BANK1: variants seen among roughly 807,000 people sequenced by gnomAD.
BANK1 encodes the protein B-cell scaffold protein with ankyrin repeats.
BANK1 carries 95 observed loss-of-function variants against 94.5 expected under a neutral mutation model. That is an observed-to-expected ratio of 1.00 (90% CI 0.85 to 1.19). The LOEUF is 1.19. Ranked by LOEUF, BANK1 falls within the 50% of genes most tolerant of loss-of-function variation. BANK1 has a pLI of 0.00. For missense variants in BANK1, 987 were observed against 932.2 expected (o/e 1.06, Z -0.77); for synonymous variants, 334 against 308.4 (o/e 1.08, Z -0.87).
chr4:101,823,060 G>A (rs1726233868), intron 1 of BANK1, among the ~76,000 whole-genome samples: 1 of 152,026 alleles, frequency 6.6e-6, no homozygotes, highest in Non-Finnish European at 1.5e-5. Flanking sequence ...ATTTTGCAGT[G>A]CAGAAGCTGT....
chr4:101,934,738 G>A (rs1383582002), intron 7 of BANK1, among the ~76,000 whole-genome samples: 3 of 151,408 alleles, frequency 2.0e-5, no homozygotes, highest in Admixed American at 2.0e-4. Context: ...AATTCCCTAG[G>A]GAGCACTGTA....
chr4:102,030,062 A>G lies in BANK1; in HGVS notation c.1697A>G (p.Glu566Gly), dbSNP rs1157386234. ...DEPKGEKEKK[E>G]EEKEQEEEED... ...CCCAAAGGAGAAAAAGAGAAGAAAG[A>G]AGAGGAAAAAGAGCAGGAGGAGGAA... Residue 566 changes from glutamate (E) to glycine (G), a missense_variant, in exon 10 of 17, where the codon GAA (glutamate) becomes GGA (glycine). By Grantham distance (98) the Glu-to-Gly change is moderately conservative. Coordinates refer to ENST00000322953, the MANE Select transcript of BANK1 (RefSeq NM_017935.5). The G allele has an allele frequency of 1.9e-6, 3 of 1,613,742 alleles. No individual in the cohort carries two copies. Among genetic ancestry groups the G allele is most frequent in the Non-Finnish European group, 2.5e-6 (3 of 1,179,844 alleles).
chr4:101,983,022 T>A (rs944280656), intron 7 of BANK1, among the ~76,000 whole-genome samples: 1 of 152,006 alleles, frequency 6.6e-6, no homozygotes, highest in African/African-American at 2.4e-5. Flanking sequence ...TTTACTTTAT[T>A]TTTATGCTAT....
At chr4:102,045,100 C>T (rs1000660042) in intron 11 of BANK1, among the ~76,000 whole-genome samples, 4 of 152,044 alleles carry the variant, frequency 2.6e-5, no homozygotes, top group African/African-American at 4.8e-5. Flanking sequence ...ACATGAAGTC[C>T]TTGCCCATGC....
intron 7 of BANK1, among the ~76,000 whole-genome samples, chr4:101,956,255 A>C (rs1724333803): frequency 6.6e-6 from 1 of 152,180 alleles, no homozygotes; most frequent in African/African-American, 2.4e-5. Context: ...CTGCATGGAA[A>C]AAAAGTGAAC....
At chr4:102,025,106 T>G (rs1366828758) in intron 8 of BANK1, 95 bp from the exon 9 acceptor site, 2 of 1,310,698 alleles carry the variant, frequency 1.5e-6, no homozygotes, top group Non-Finnish European at 2.1e-6. Context: ...AAAAGTTTTA[T>G]TAGCAGTACT....
chr4:101,849,301 A>G (rs1275733476), intron 2 of BANK1, among the ~76,000 whole-genome samples: 3 of 152,198 alleles, frequency 2.0e-5, no homozygotes, highest in African/African-American at 7.2e-5. Context: ...AGTGCTGGTC[A>G]CTTCCTGGAT....
chr4:101,922,397 C>T (rs545520274), intron 7 of BANK1, among the ~76,000 whole-genome samples: 4 of 151,686 alleles, frequency 2.6e-5, no homozygotes, highest in Non-Finnish European at 5.9e-5. Context: ...TCCTGCTTTG[C>T]TTATGTAGTT....
intron 7 of BANK1, among the ~76,000 whole-genome samples, chr4:101,984,521 G>A (rs1004207008): frequency 6.6e-6 from 1 of 152,018 alleles, no homozygotes; most frequent in African/African-American, 2.4e-5. Flanking sequence ...CATGCAATTT[G>A]CAATAAAAGT....
chr4:102,038,521 A>G lies in BANK1; in HGVS notation c.1901-5318A>G, dbSNP rs140357967. ...ATGGGAGGAGACTAACCCCCAGTCC[A>G]GTGCTATACAAGCAATAGTTGTTCA... On this transcript the variant is annotated intron_variant, in intron 10 of 16. Transcript: ENST00000322953. Among the ~76,000 whole-genome samples the G allele has an allele frequency of 6.6e-3, 1,011 of 152,306 alleles. 8 individuals carry two copies. Among genetic ancestry groups the G allele is most frequent in the African/African-American group, 0.023 (958 of 41,580 alleles).
At chr4:101,924,081 C>A (rs1051357830) in intron 7 of BANK1, among the ~76,000 whole-genome samples, 2 of 151,536 alleles carry the variant, frequency 1.3e-5, no homozygotes, top group African/African-American at 2.4e-5. Flanking sequence ...CTTAATGCAA[C>A]GTGTATGATA....
chr4:101,936,002 G>A (rs1390058376), intron 7 of BANK1, among the ~76,000 whole-genome samples: 3 of 151,148 alleles, frequency 2.0e-5, no homozygotes, highest in Non-Finnish European at 4.4e-5. Context: ...CATTGGTCAG[G>A]GCAAAGATTT....
At chr4:101,859,223 G>A (rs968559071) in intron 3 of BANK1, among the ~76,000 whole-genome samples, 5 of 152,214 alleles carry the variant, frequency 3.3e-5, no homozygotes, top group African/African-American at 1.2e-4. Flanking sequence ...AGTCTGTATT[G>A]TGAAGTGATG....
chr4:102,010,306 T>C (rs1327276820), intron 7 of BANK1, among the ~76,000 whole-genome samples: 1 of 151,596 alleles, frequency 6.6e-6, no homozygotes, highest in Non-Finnish European at 1.5e-5. Context: ...AACAAAACAA[T>C]TGAAGTCCTT....
At chr4:102,043,802 T>C (rs1206887674) in intron 10 of BANK1, 37 bp from the exon 11 acceptor site, 2 of 1,410,924 alleles carry the variant, frequency 1.4e-6, no homozygotes. Flanking sequence ...TTTGAACGTT[T>C]ATGTTCAGTA....
chr4:101,948,724 C>T (rs1018488589), intron 7 of BANK1, among the ~76,000 whole-genome samples: 1 of 151,988 alleles, frequency 6.6e-6, no homozygotes, highest in Admixed American at 6.6e-5. Context: ...TTAAATTAAT[C>T]CCTATGGGTA....
intron 1 of BANK1, among the ~76,000 whole-genome samples, chr4:101,800,858 A>G (rs1304141633): frequency 3.3e-5 from 5 of 152,150 alleles, no homozygotes; most frequent in Non-Finnish European, 7.3e-5. Flanking sequence ...CCTGGGTTCA[A>G]GCGATTCTCC....
intron 7 of BANK1, among the ~76,000 whole-genome samples, chr4:101,953,611 A>G (rs1357056206): frequency 2.0e-5 from 3 of 151,866 alleles, no homozygotes; most frequent in Non-Finnish European, 4.4e-5. Context: ...TCTTTCTGCT[A>G]GCACGATTAC....
intron 5 of BANK1, among the ~76,000 whole-genome samples, chr4:101,882,897 A>G (rs1019972196): frequency 4.6e-5 from 7 of 152,098 alleles, no homozygotes; most frequent in African/African-American, 1.7e-4. Flanking sequence ...TCCAAAGGAG[A>G]AGCAAATCGT....
Sources: gnomAD v4.1 joint callset for allele counts (sites outside exome capture counted in the v4.1 genomes callset) on GRCh38, gnomAD v4.1.1 for gene constraint, MANE v1.5 for transcripts, NCBI Gene and HGNC (gene_info 2026-07-23, HGNC 2026-07-21) for gene names.